Variants in VPS37B observed in about 807,000 individuals in gnomAD.
The protein encoded by VPS37B is VPS37B subunit of ESCRT-I.
VPS37B carries 11 observed loss-of-function variants against 21.2 expected under a neutral mutation model. That is an observed-to-expected ratio of 0.52 (90% CI 0.33 to 0.86). The LOEUF is 0.86. VPS37B is among the 40% of genes least tolerant of loss of function. VPS37B has a pLI of 0.03. For synonymous variants in VPS37B, 175 were observed against 159.6 expected (o/e 1.10, Z -0.73); for missense variants, 389 against 374.8 (o/e 1.04, Z -0.31).
intron 1 of VPS37B, chr12:122,886,667 T>C (rs957702424): frequency 6.6e-6 from 1 of 152,180 alleles, no homozygotes; most frequent in Non-Finnish European, 1.5e-5. Flanking sequence ...TATAATACAA[T>C]TAACATCCAC....
intron 1 of VPS37B, among the ~76,000 whole-genome samples, chr12:122,892,733 G>A (rs1047125424): frequency 2.0e-5 from 3 of 152,140 alleles, no homozygotes; most frequent in Non-Finnish European, 4.4e-5. Context: ...AACATAGCAA[G>A]ACCCCATCTC....
At chr12:122,881,743 C>T (rs1304553087) in intron 1 of VPS37B, 1 of 152,136 alleles carries the variant, frequency 6.6e-6, no homozygotes, top group Non-Finnish European at 1.5e-5. Flanking sequence ...TACTAGTTTA[C>T]TATTTCTCTA....
chr12:122,895,753 C>CT (rs2034482560), intron 1 of VPS37B, among the ~76,000 whole-genome samples, 199 bp downstream of exon 1: 1 of 151,828 alleles, frequency 6.6e-6, no homozygotes, highest in African/African-American at 2.4e-5. Flanking sequence ...CTCAAACCCC[C>CT]TCTCAGGCCC....
intron 1 of VPS37B, chr12:122,881,006 A>G (rs2034240461): frequency 1.3e-5 from 2 of 152,276 alleles, no homozygotes; most frequent in Non-Finnish European, 2.9e-5. Context: ...TGCTCTTCCA[A>G]TAAAAGGCTC....
intron 1 of VPS37B, chr12:122,873,929 C>T (rs2034090627): frequency 6.6e-6 from 1 of 152,202 alleles, no homozygotes; most frequent in South Asian, 2.1e-4. Context: ...CCAAGATTCA[C>T]TCAAAGCCAA....
chr12:122,868,948 G>A lies in VPS37B; in HGVS notation c.284-386C>T, dbSNP rs1361358379. The stretch of plus-strand genomic sequence containing the variant: ...CAGACACAGAACCTTTCCACCGGGC[G>A]CCCTCACGCCCACTGCACCCGCCAG... On this transcript the variant is annotated intron_variant, in intron 2 of 3. Coordinates refer to ENST00000267202, the MANE Select transcript of VPS37B (RefSeq NM_024667.3). The surrounding 1 kb of genome is among the most constrained non-coding windows in gnomAD (Gnocchi z 5.5). 3.9e-5 allele frequency among the ~76,000 whole-genome samples: 6 copies of A among 152,024 alleles called. No homozygotes were observed. The highest frequency in any genetic ancestry group is 1.2e-4 in the African/African-American group (5 of 41,384).
Position 122,867,002 on chromosome 12 carries a change from G to A in VPS37B, c.*114C>T, listed in dbSNP as rs1486530467. On this transcript the variant is annotated 3_prime_UTR_variant, in exon 4 of 4. Coordinates refer to ENST00000267202, the MANE Select transcript of VPS37B (RefSeq NM_024667.3). This position sits in a 1 kb window ranked among gnomAD's most constrained non-coding sequence, Gnocchi z 5.5. ...TACAGTTCTAAAATCAGACAGACAC[G>A]CTGGCCCAGGGCCCCAGAGCCCTTG... 17 of 1,308,174 alleles carry A rather than the reference G, an allele frequency of 1.3e-5. No homozygotes were observed. The highest frequency in any genetic ancestry group is 1.1e-4 in the South Asian group (6 of 52,470). The allele number at this position is 1,308,174 out of a possible 1,614,324, so 81.0% of individuals were successfully genotyped here.
Position 122,866,006 on chromosome 12 carries a change from C to T in VPS37B, c.*1110G>A, listed in dbSNP as rs535708283. ...AACGTTGCCCACCCTGAGGCCCAGC[C>T]ACCAGCCACCCAGGGGCAGAGGATA... On this transcript the variant is annotated 3_prime_UTR_variant, in exon 4 of 4. Transcript: ENST00000267202. 1 of 152,704 alleles carries T rather than the reference C, an allele frequency of 6.5e-6. No homozygotes were observed. The highest frequency in any genetic ancestry group is 2.1e-4 in the South Asian group (1 of 4,834). The allele number at this position is 152,704 out of a possible 1,614,324, so 9.5% of individuals were successfully genotyped here.
intron 1 of VPS37B, chr12:122,872,274 A>G (rs75315389): frequency 1.5e-5 from 15 of 985,486 alleles, no homozygotes; most frequent in Non-Finnish European, 1.8e-5. Flanking sequence ...AAGCCCTTGG[A>G]TCCATGCCTC....
Position 122,872,159 on chromosome 12 carries a change from C to T in VPS37B, c.112-1098G>A. 4 of 985,544 alleles carry T rather than the reference C, an allele frequency of 4.1e-6. No individual in the cohort carries two copies. In the South Asian group the frequency reaches 1.4e-4, roughly 35 times the overall value. The allele number at this position is 985,544 out of a possible 1,614,324, so 61.0% of individuals were successfully genotyped here. A position where few individuals can be genotyped will look rare whatever the true frequency, so the allele number is the denominator to read the frequency against. ...CCATGCTGCCTCTGCTCCCCACCCC[C>T]AGTCATACCCGTTGATTGCTGTCAT... On this transcript the variant is annotated intron_variant, in intron 1 of 3. Transcript: ENST00000267202.
chr12:122,866,949 C>T lies in VPS37B; in HGVS notation c.*167G>A. The T allele has an allele frequency of 1.2e-6, 1 of 815,922 alleles. No individual in the cohort carries two copies. Among genetic ancestry groups the T allele is most frequent in the Non-Finnish European group, 1.7e-6 (1 of 575,436 alleles). 50.5% of individuals were successfully genotyped at this position (815,922 alleles called of 1,614,324 possible). Reference sequence around the variant, plus strand: ...CACACAACTGCCTTGATGCCCAAAGCCTGGGCTCCTACTACTCACCACTGA... The same window carrying T: ...CACACAACTGCCTTGATGCCCAAAGTCTGGGCTCCTACTACTCACCACTGA... On this transcript the variant is annotated 3_prime_UTR_variant, in exon 4 of 4. Transcript: ENST00000267202.
Position 122,868,729 on chromosome 12 carries a change from T to A in VPS37B, c.284-167A>T, listed in dbSNP as rs1013617011. Among the ~76,000 whole-genome samples the A allele has an allele frequency of 6.6e-6, 1 of 152,120 alleles. No individual in the cohort carries two copies. The highest frequency in any genetic ancestry group is 2.4e-5 in the African/African-American group (1 of 41,410). ...CCAAGCCAGTGCCCAGGGGCCAACA[T>A]CCCATGTCAGAGCAACCTGTGTCAC... On this transcript the variant is annotated intron_variant, in intron 2 of 3. Transcript: ENST00000267202. This position sits in a 1 kb window ranked among gnomAD's most constrained non-coding sequence, Gnocchi z 5.5.
Position 122,866,530 on chromosome 12 carries a change from G to C in VPS37B, c.*586C>G, listed in dbSNP as rs543864891. ...GCCTCTGGACTCGGCAGTGGGCCCAGTGCAAACTTTGCTTGTGGCTCTGAA... is the reference window on the plus strand; with the variant it reads ...GCCTCTGGACTCGGCAGTGGGCCCACTGCAAACTTTGCTTGTGGCTCTGAA... On this transcript the variant is annotated 3_prime_UTR_variant, in exon 4 of 4. Transcript: ENST00000267202. 7 of 152,728 alleles carry C rather than the reference G, an allele frequency of 4.6e-5. No homozygotes were observed. Among genetic ancestry groups the C allele is most frequent in the Non-Finnish European group, 7.3e-5 (5 of 68,072 alleles). 9.5% of individuals were successfully genotyped at this position (152,728 alleles called of 1,614,324 possible).
intron 1 of VPS37B, chr12:122,874,431 A>G (rs1260446204): frequency 1.3e-5 from 2 of 152,244 alleles, no homozygotes; most frequent in Admixed American, 1.3e-4. Flanking sequence ...CAGTTTCACC[A>G]TACAAATGCA....
chr12:122,872,016 GC>G (rs2034048290), intron 1 of VPS37B: 1 of 985,148 alleles, frequency 1.0e-6, no homozygotes, highest in Non-Finnish European at 1.2e-6. Flanking sequence ...TCTTTAAGCA[GC>G]TCTTCTTCAA....
intron 1 of VPS37B, chr12:122,887,520 T>G (rs1172273426): frequency 6.6e-6 from 1 of 152,378 alleles, no homozygotes; most frequent in Non-Finnish European, 1.5e-5. Flanking sequence ...TCCTCCCATA[T>G]GCCTGGGAGC....
intron 1 of VPS37B, chr12:122,871,375 T>C (rs1166748729): frequency 7.4e-6 from 8 of 1,080,684 alleles, no homozygotes; most frequent in East Asian, 6.4e-5. Flanking sequence ...ACTACGGCCA[T>C]TGTGCTTGCA....
At chr12:122,887,036 CCA>C (rs2034339860) in intron 1 of VPS37B, 1 of 152,156 alleles carries the variant, frequency 6.6e-6, no homozygotes, top group Non-Finnish European at 1.5e-5. Flanking sequence ...TAGTTTTTCC[CCA>C]CAGTCTTAAC....
chr12:122,892,575 C>A (rs1001165589), intron 1 of VPS37B, among the ~76,000 whole-genome samples: 5 of 151,900 alleles, frequency 3.3e-5, no homozygotes, highest in African/African-American at 1.2e-4. Flanking sequence ...GTTATATTTA[C>A]CATTTCACCC....
Sources: allele counts gnomAD v4.1 joint callset (sites outside exome capture counted in the v4.1 genomes callset), GRCh38; gene constraint gnomAD v4.1.1; non-coding constraint Gnocchi (gnomAD v3.1); transcripts MANE v1.5; gene names NCBI Gene and HGNC (gene_info 2026-07-23, HGNC 2026-07-21).